Variants in SUN1 observed in about 807,000 individuals in gnomAD.
SUN1 encodes the protein Sad1 and UNC84 domain containing 1.
Under a neutral mutation model 103.2 loss-of-function variants are expected in SUN1, and 61 were observed. That is an observed-to-expected ratio of 0.59 (90% confidence interval 0.48 to 0.73). The LOEUF (loss-of-function observed/expected upper bound fraction) is 0.73, where lower values mean the gene tolerates loss of function less well. Among genes scored for constraint, SUN1 ranks in the 30% least tolerant of loss-of-function variants. SUN1 has a pLI of 0.00. For synonymous variants in SUN1, 490 were observed against 425.7 expected (o/e 1.15, Z -1.86); for missense variants, 1,052 against 1,034.6 (o/e 1.02, Z -0.23).
At position 843,369 on chromosome 7, in the gene SUN1, C is replaced by G; in HGVS notation, c.507C>G (p.Asn169Lys). 1.1e-5 allele frequency: 18 copies of G among 1,608,756 alleles called. No homozygotes were observed. Among genetic ancestry groups the G allele is most frequent in the Non-Finnish European group, 1.5e-5 (18 of 1,177,142 alleles). ...GAAATAAAGCTGCCATTCAGGGAAACGGGGATGTGGGAGCCGCCGCCGCCA... is the reference window on the plus strand; with the variant it reads ...GAAATAAAGCTGCCATTCAGGGAAAGGGGGATGTGGGAGCCGCCGCCGCCA... ...KGGNKAAIQG[N>K]GDVGAAAATA... Residue 169 changes from asparagine (N) to lysine (K), a missense_variant, in exon 5 of 19, where the codon AAC becomes AAG. Physicochemically the swap from Asn to Lys is moderately conservative, Grantham distance 94 (BLOSUM62 0). Around this residue, in one of 2 missense-constraint regions of SUN1, gnomAD observed 846 missense variants for 774.5 expected, o/e 1.09. Transcript: ENST00000401592.
chr7:849,824 T>C lies in SUN1; in HGVS notation c.659-1560T>C, dbSNP rs1820171131. On this transcript the variant is annotated intron_variant, in intron 5 of 18. Coordinates refer to ENST00000401592, the MANE Select transcript of SUN1 (RefSeq NM_001130965.3). ...GTTGACTGTCTCGTGTGTAATTGAG[T>C]TTCCCAGTTTCTACAGACTGCCATT... is the stretch of plus-strand genomic sequence containing the variant. 4 of 1,313,330 alleles carry C rather than the reference T, an allele frequency of 3.0e-6. No homozygotes were observed. The Admixed American group carries it at 7.3e-5, about 24-fold the overall frequency. The allele number at this position is 1,313,330 out of a possible 1,614,324, so 81.4% of individuals were successfully genotyped here. A position where few individuals can be genotyped will look rare whatever the true frequency, so the allele number is the denominator to read the frequency against.
intron 12 of SUN1, 104 bp downstream of exon 12, chr7:856,505 C>A: frequency 7.6e-7 from 1 of 1,322,774 alleles, no homozygotes; most frequent in South Asian, 1.2e-5. Flanking sequence ...CGGCCTCCCC[C>A]GAGGGTCACC....
intron 5 of SUN1, chr7:850,091 T>C: frequency 6.9e-7 from 1 of 1,449,534 alleles, no homozygotes; most frequent in South Asian, 1.2e-5. Context: ...ATTTGTGTCT[T>C]GTGTGGTTTG....
At chr7:857,132 A>G (rs1038070733) in intron 12 of SUN1, among the ~76,000 whole-genome samples, 2 of 152,020 alleles carry the variant, frequency 1.3e-5, no homozygotes, top group Non-Finnish European at 2.9e-5. Flanking sequence ...TTATGCACGC[A>G]GCTCGTATTC....
intron 17 of SUN1, among the ~76,000 whole-genome samples, chr7:871,623 T>C (rs1841771257): frequency 6.6e-6 from 1 of 152,118 alleles, no homozygotes; most frequent in East Asian, 1.9e-4. Flanking sequence ...CTCCTGACCT[T>C]CTGATCCACC....
chr7:851,406 G>C lies in SUN1; in HGVS notation c.681G>C (p.Leu227=). The C allele has an allele frequency of 6.2e-7, 1 of 1,607,728 alleles. No homozygotes were observed. The highest frequency in any genetic ancestry group is 1.1e-5 in the South Asian group (1 of 89,640). Residue 227 remains leucine, a synonymous_variant, in exon 6 of 19, where the codon CTG becomes CTC. Transcript: ENST00000401592. ...NQKCYFLLQI[L]RRIGAVGQAV... ...CAGGTTACTTCTTGCTGCAGATTCT[G>C]CGCAGGATCGGAGCTGTGGGCCAGG...
intron 1 of SUN1, among the ~76,000 whole-genome samples, chr7:836,786 C>G (rs1375211433): frequency 6.6e-6 from 1 of 152,220 alleles, no homozygotes; most frequent in African/African-American, 2.4e-5. Context: ...AAGGCCCAGT[C>G]AGGTTGACAC....
At position 844,916 on chromosome 7, in the gene SUN1, G is replaced by A. The variant is rs149622939; in HGVS notation, c.658+1396G>A. Among the ~76,000 whole-genome samples, 31 of 152,302 alleles carry A rather than the reference G, an allele frequency of 2.0e-4. 2 individuals carry two copies. The highest frequency in any genetic ancestry group is 1.6e-3 in the Admixed American group (25 of 15,306). On this transcript the variant is annotated intron_variant, in intron 5 of 18. Transcript: ENST00000401592. ...GCACTTGGCACCCCAGGGCCCCGGG[G>A]GTGCTGCACGTGAGCCGTGGCGTAG...
intron 5 of SUN1, among the ~76,000 whole-genome samples, chr7:847,425 C>T (rs1248883914): frequency 1.4e-5 from 2 of 145,682 alleles, no homozygotes; most frequent in Non-Finnish European, 3.0e-5. Flanking sequence ...CCCGCAGCAC[C>T]CTCTCCGGGA....
Position 874,721 on chromosome 7 carries a change from ATTTGGGG to A in SUN1, c.*1392_*1398del, listed in dbSNP as rs1843419953. 1 of 152,300 alleles carries A rather than the reference ATTTGGGG, an allele frequency of 6.6e-6. No individual in the cohort carries two copies. The allele number at this position is 152,300 out of a possible 1,614,324, so 9.4% of individuals were successfully genotyped here. ...ATTTCCTATATAAAACTGATTTGGG[ATTTGGGG>A]TGGAAATATTTTGAATATTAATTTA... is the stretch of plus-strand genomic sequence containing the variant. On this transcript the variant is annotated 3_prime_UTR_variant, in exon 19 of 19. Transcript: ENST00000401592.
intron 17 of SUN1, among the ~76,000 whole-genome samples, chr7:871,588 C>T (rs1841739632): frequency 1.3e-5 from 2 of 152,208 alleles, no homozygotes; most frequent in South Asian, 2.1e-4. Flanking sequence ...CAGGGTTTCA[C>T]CATGTTGGCC....
At chr7:841,548 A>C (rs929183667) in intron 2 of SUN1, among the ~76,000 whole-genome samples, 1 of 152,118 alleles carries the variant, frequency 6.6e-6, no homozygotes, top group Non-Finnish European at 1.5e-5. Context: ...GGCCATGACT[A>C]CCTATTCTTG....
chr7:856,730 G>A (rs1376659951), intron 12 of SUN1, among the ~76,000 whole-genome samples: 1 of 152,218 alleles, frequency 6.6e-6, no homozygotes, highest in Non-Finnish European at 1.5e-5. Context: ...GGCCCATGTT[G>A]CAGCCCGTGC....
In SUN1 at chr7:852,828, G is replaced by A. The variant is rs775875810; in HGVS notation, c.929G>A (p.Gly310Asp). ...CTTTTAGCAGGTCTCTCCTTACGGG[G>A]CCAGGGCAATTTCTTTTCGTTCTTG... ...FLLLAGLSLR[G>D]QGNFFSFLPV... Residue 310 changes from glycine to aspartate, a missense_variant, in exon 9 of 19, where the codon GGC (glycine) becomes GAC (aspartate). Around this residue, in one of 2 missense-constraint regions of SUN1, gnomAD observed 846 missense variants for 774.5 expected, o/e 1.09. Coordinates refer to ENST00000401592, the MANE Select transcript of SUN1 (RefSeq NM_001130965.3). 3.7e-6 allele frequency: 6 copies of A among 1,613,480 alleles called. No homozygotes were observed. In the South Asian group the frequency reaches 4.4e-5, roughly 12 times the overall value.
chr7:866,558 CCG>C (rs1836803682), intron 16 of SUN1, among the ~76,000 whole-genome samples: 1 of 103,832 alleles, frequency 9.6e-6, no homozygotes, highest in African/African-American at 3.5e-5. Flanking sequence ...CACCATCTCC[CCG>C]TACCTTCGCC....
intron 18 of SUN1, among the ~76,000 whole-genome samples, chr7:872,829 C>A (rs982597527): frequency 2.0e-5 from 3 of 152,380 alleles, no homozygotes; most frequent in South Asian, 2.1e-4. Context: ...TGGCTCACGT[C>A]TGTAATCCCA....
chr7:867,548 T>C (rs143662267), intron 16 of SUN1, among the ~76,000 whole-genome samples: 5 of 152,300 alleles, frequency 3.3e-5, no homozygotes, highest in Non-Finnish European at 7.4e-5. Context: ...ATGGCTTCAG[T>C]GTCTTAGAGA....
rs552398214 is a variant in SUN1, at chr7:873,865, A to G, written c.*534A>G. On this transcript the variant is annotated 3_prime_UTR_variant, in exon 19 of 19. Coordinates refer to ENST00000401592, the MANE Select transcript of SUN1 (RefSeq NM_001130965.3). Reference sequence around the variant, plus strand: ...TAGGTACTAAGTCTCCAGATGGGGAAATAACTAAAATGTGTTTTTCTGCTT... The same window carrying G: ...TAGGTACTAAGTCTCCAGATGGGGAGATAACTAAAATGTGTTTTTCTGCTT... 2 of 152,976 alleles carry G rather than the reference A, an allele frequency of 1.3e-5. No homozygotes were observed. Among genetic ancestry groups the G allele is most frequent in the Admixed American group, 6.5e-5 (1 of 15,326 alleles). 9.5% of individuals were successfully genotyped at this position (152,976 alleles called of 1,614,324 possible).
intron 17 of SUN1, 134 bp downstream of exon 17, chr7:869,650 G>A: frequency 9.0e-7 from 1 of 1,105,946 alleles, no homozygotes; most frequent in East Asian, 2.6e-5. Flanking sequence ...TCGGTGTTGA[G>A]GGGAACATTC....
Sources: gnomAD v4.1 joint callset for allele counts (sites outside exome capture counted in the v4.1 genomes callset) on GRCh38, gnomAD v4.1.1 for gene constraint, gnomAD v4.1.1 regional missense constraint, MANE v1.5 for transcripts, NCBI Gene and HGNC (gene_info 2026-07-23, HGNC 2026-07-21) for gene names.